QRICH1: variants seen among roughly 807,000 people sequenced by gnomAD.
QRICH1 encodes the protein glutamine rich 1, also known as transcriptional regulator QRICH1.
A neutral mutation model predicts 87.1 loss-of-function variants in QRICH1; 16 were observed. That is an observed-to-expected ratio of 0.18 (90% CI 0.12 to 0.28). The LOEUF is 0.28. Among genes scored for constraint, QRICH1 ranks in the 10% least tolerant of loss-of-function variants. The pLI is 1.00. For synonymous variants in QRICH1, 367 were observed against 368.4 expected (o/e 1.00, Z 0.05); for missense variants, 647 against 951.7 (o/e 0.68, Z 4.21).
intron 6 of QRICH1, among the ~76,000 whole-genome samples, chr3:49,038,910 C>T (rs1406211742): frequency 1.3e-5 from 2 of 152,076 alleles, no homozygotes; most frequent in African/African-American, 4.8e-5. Flanking sequence ...ACCTGTAGTC[C>T]CAGCTACTTG....
chr3:49,034,465 AAG>A (rs2093262404), intron 6 of QRICH1, among the ~76,000 whole-genome samples: 2 of 151,888 alleles, frequency 1.3e-5, no homozygotes, highest in South Asian at 4.2e-4. Context: ...AGGGAAAAAA[AAG>A]AGATGGGGTT....
rs770334266 is a variant in QRICH1 at position 49,076,693 on chromosome 3, A to G, written c.309+16T>C. 2 of 1,522,392 alleles carry G rather than the reference A, an allele frequency of 1.3e-6. No homozygotes were observed. The highest frequency in any genetic ancestry group is 4.6e-5 in the East Asian group (2 of 43,440). The allele number at this position is 1,522,392 out of a possible 1,614,324, so 94.3% of individuals were successfully genotyped here. ...AAGTACATTAAACAGGCTGCACCTC[A>G]GCATTTCCCATATACCTGAACCTGC... On this transcript the variant is annotated intron_variant, in intron 2 of 9. Transcript: ENST00000395443.
intron 6 of QRICH1, among the ~76,000 whole-genome samples, chr3:49,039,829 G>A (rs1041969522): frequency 1.8e-4 from 28 of 152,126 alleles, no homozygotes; most frequent in Non-Finnish European, 2.9e-4. Flanking sequence ...GGAGGCTGAG[G>A]CAGGCGGATC....
rs571808496 is a variant in QRICH1 at position 49,085,314 on chromosome 3, C to T, written c.-21-8276G>A. Among the ~76,000 whole-genome samples, 13 of 148,028 alleles carry T rather than the reference C, an allele frequency of 8.8e-5. No homozygotes were observed. The South Asian group carries it at 1.7e-3, about 20-fold the overall frequency. ...CAGCATTTTGGGAGGCCGAGGCAGG[C>T]GGATCACCAGGTCAGGAGATCGAGA... On this transcript the variant is annotated intron_variant, in intron 1 of 9. Transcript: ENST00000395443.
intron 6 of QRICH1, among the ~76,000 whole-genome samples, chr3:49,040,368 G>C (rs1299894496): frequency 6.6e-6 from 1 of 152,180 alleles, no homozygotes; most frequent in African/African-American, 2.4e-5. Flanking sequence ...AGCTCTTAGG[G>C]AGGCAGAGGT....
rs545413756 is a variant in QRICH1, at chr3:49,064,843, C to T, written c.310-6953G>A. On this transcript the variant is annotated intron_variant, in intron 2 of 9. Transcript: ENST00000395443. ...ACCCGCCTGGACAAGATGGTGAAAC[C>T]CTGTCTGTCCTAAAAATACAAAAAC... Among the ~76,000 whole-genome samples the T allele has an allele frequency of 2.8e-3, 423 of 151,948 alleles. 4 individuals carry two copies. Among genetic ancestry groups the T allele is most frequent in the African/African-American group, 9.7e-3 (402 of 41,472 alleles).
At chr3:49,058,380 G>A (rs2093415645) in intron 2 of QRICH1, among the ~76,000 whole-genome samples, 1 of 152,036 alleles carries the variant, frequency 6.6e-6, no homozygotes, top group Non-Finnish European at 1.5e-5. Flanking sequence ...AGGCTGGAAT[G>A]CAGTGGTGCC....
intron 1 of QRICH1, among the ~76,000 whole-genome samples, chr3:49,078,880 C>T (rs529785968): frequency 4.6e-5 from 7 of 151,438 alleles, no homozygotes; most frequent in Non-Finnish European, 1.0e-4. Context: ...TTAGTAGAGA[C>T]TGGGTTTTGC....
chr3:49,076,590 G>T, intron 2 of QRICH1, 119 bp downstream of exon 2: 1 of 1,002,942 alleles, frequency 1.0e-6, no homozygotes, highest in Non-Finnish European at 1.4e-6. Context: ...CATTAACTTT[G>T]AAAATCTTAG....
chr3:49,062,791 A>T (rs946023073), intron 2 of QRICH1, among the ~76,000 whole-genome samples: 2 of 151,610 alleles, frequency 1.3e-5, no homozygotes, highest in East Asian at 3.9e-4. Flanking sequence ...GCGGATCATG[A>T]GGTCAGGAGA....
intron 2 of QRICH1, among the ~76,000 whole-genome samples, chr3:49,076,090 A>C (rs1471364204): frequency 2.0e-5 from 3 of 152,150 alleles, no homozygotes; most frequent in Admixed American, 2.0e-4. Flanking sequence ...AAAAGTATAA[A>C]AAATTAGCCG....
At chr3:49,069,897 CTCTAG>C (rs2093491243) in intron 2 of QRICH1, among the ~76,000 whole-genome samples, 1 of 152,098 alleles carries the variant, frequency 6.6e-6, no homozygotes, top group Non-Finnish European at 1.5e-5. Flanking sequence ...GTTTTGAAGT[CTCTAG>C]TCAATTCCCA....
At chr3:49,086,761 C>T (rs903871803) in intron 1 of QRICH1, 10 of 152,036 alleles carry the variant, frequency 6.6e-5, no homozygotes, top group Non-Finnish European at 1.5e-4. Flanking sequence ...GATCTTATTG[C>T]AATCACTGTT....
chr3:49,054,000 A>G (rs2093386953), intron 3 of QRICH1, among the ~76,000 whole-genome samples: 1 of 152,144 alleles, frequency 6.6e-6, no homozygotes, highest in Non-Finnish European at 1.5e-5. Context: ...GTATATATAG[A>G]CAAACTCATC....
chr3:49,067,568 G>A (rs1420118867), intron 2 of QRICH1, among the ~76,000 whole-genome samples: 29 of 140,416 alleles, frequency 2.1e-4, no homozygotes, highest in Non-Finnish European at 3.3e-4. Context: ...ACTCTGTCTC[G>A]AAAAAAAAAA....
chr3:49,030,364 G>GAAA lies in QRICH1; in HGVS notation c.*85_*87dup. The GAAA allele has an allele frequency of 5.6e-6, 6 of 1,080,358 alleles. No individual in the cohort carries two copies. The highest frequency in any genetic ancestry group is 6.4e-6 in the Non-Finnish European group (5 of 785,216). 66.9% of individuals were successfully genotyped at this position (1,080,358 alleles called of 1,614,324 possible). ...TTCGTAACTACACCAATAAAAAAAA[G>GAAA]AAAAAAAAAAATGGAGGCCTCTTCT... On this transcript the variant is annotated 3_prime_UTR_variant, in exon 10 of 10. Transcript: ENST00000395443.
intron 6 of QRICH1, among the ~76,000 whole-genome samples, chr3:49,043,224 T>G (rs2093320591): frequency 6.6e-6 from 1 of 152,032 alleles, no homozygotes; most frequent in Non-Finnish European, 1.5e-5. Context: ...TGGCTGGCCG[T>G]GGTGGCTCAT....
At chr3:49,052,529 G>A (rs1028132429) in intron 3 of QRICH1, among the ~76,000 whole-genome samples, 3 of 152,230 alleles carry the variant, frequency 2.0e-5, no homozygotes, top group Middle Eastern at 3.4e-3. Flanking sequence ...TGTTTGAGAT[G>A]GAGTTTCGCT....
intron 6 of QRICH1, among the ~76,000 whole-genome samples, chr3:49,042,349 T>A (rs2093315637): frequency 1.3e-5 from 2 of 152,108 alleles, no homozygotes; most frequent in Admixed American, 6.6e-5. Flanking sequence ...TCCACATGCC[T>A]CGGCCTCCCA....
Sources: allele counts gnomAD v4.1 joint callset (sites outside exome capture counted in the v4.1 genomes callset), GRCh38; gene constraint gnomAD v4.1.1; transcripts MANE v1.5; gene names NCBI Gene and HGNC (gene_info 2026-07-23, HGNC 2026-07-21).